The following CACNA2D3 variants were observed in gnomAD, a reference collection of about 807,000 sequenced individuals.
CACNA2D3 encodes the protein calcium voltage-gated channel auxiliary subunit alpha2delta 3, also known as voltage-dependent calcium channel subunit alpha-2/delta-3.
In CACNA2D3, 60 loss-of-function variants were observed where a neutral mutation model predicts 160.6. The observed-to-expected ratio is 0.37, with a 90% CI of 0.30 to 0.46. CACNA2D3 has a LOEUF of 0.46. Ranked by LOEUF, CACNA2D3 falls within the 20% of genes least tolerant of loss-of-function variation. The pLI, the probability that CACNA2D3 is intolerant of heterozygous loss-of-function variation, is 1.00. For missense variants in CACNA2D3, 1,205 were observed against 1,365.0 expected, an observed-to-expected ratio of 0.88 and a Z score of 1.85; for synonymous variants, 558 against 492.9, an observed-to-expected ratio of 1.13 and a Z score of -1.75.
intron 3 of CACNA2D3, among the ~76,000 whole-genome samples, chr3:54,360,005 A>T (rs1373947762): frequency 1.3e-5 from 2 of 152,204 alleles, no homozygotes; most frequent in African/African-American, 4.8e-5. Context: ...GGCAATGACA[A>T]CAAATCATGA....
intron 2 of CACNA2D3, among the ~76,000 whole-genome samples, chr3:54,245,628 G>A (rs1702057612): frequency 6.6e-6 from 1 of 152,202 alleles, no homozygotes; most frequent in Non-Finnish European, 1.5e-5. Context: ...ACATAGTGCA[G>A]TTGTTGCCTG....
At chr3:54,295,890 C>T (rs1048355815) in intron 2 of CACNA2D3, among the ~76,000 whole-genome samples, 1 of 152,156 alleles carries the variant, frequency 6.6e-6, no homozygotes, top group African/African-American at 2.4e-5. Flanking sequence ...TTAACTTTTC[C>T]CTTTGGCTTA....
At chr3:54,226,146 T>C (rs150005832) in intron 2 of CACNA2D3, among the ~76,000 whole-genome samples, 15 of 152,208 alleles carry the variant, frequency 9.9e-5, no homozygotes, top group African/African-American at 2.6e-4. Flanking sequence ...AGACTGATGA[T>C]AGGTCTGTTT....
intron 2 of CACNA2D3, among the ~76,000 whole-genome samples, chr3:54,183,892 G>GAAAAAAAAAAAAAAAAA (rs58956795): frequency 2.5e-5 from 2 of 80,754 alleles, no homozygotes; most frequent in African/African-American, 5.1e-5. Context: ...TCTCAAAAAA[G>GAAAAAAAAAAAAAAAAA]AAAAAAAAAA....
At chr3:54,291,600 C>G (rs1338456643) in intron 2 of CACNA2D3, among the ~76,000 whole-genome samples, 13 of 151,994 alleles carry the variant, frequency 8.6e-5, no homozygotes, top group Admixed American at 8.5e-4. Context: ...GTGCCTCTCC[C>G]CAGCGAAACA....
intron 2 of CACNA2D3, among the ~76,000 whole-genome samples, chr3:54,261,804 A>G (rs139156845): frequency 3.9e-4 from 59 of 152,354 alleles, no homozygotes; most frequent in African/African-American, 1.3e-3. Context: ...ATTGTGACCC[A>G]AAATACACAG....
intron 2 of CACNA2D3, among the ~76,000 whole-genome samples, chr3:54,238,161 CAT>C (rs1701917008): frequency 6.6e-6 from 1 of 152,204 alleles, no homozygotes; most frequent in Non-Finnish European, 1.5e-5. Flanking sequence ...GCATAATTTA[CAT>C]GTTATTAAAT....
At chr3:54,458,829 A>T (rs1340145414) in intron 4 of CACNA2D3, among the ~76,000 whole-genome samples, 2 of 151,924 alleles carry the variant, frequency 1.3e-5, no homozygotes, top group Non-Finnish European at 2.9e-5. Context: ...TGTGCAGGTT[A>T]GTTACATATG....
chr3:54,766,283 A>G (rs1209138389), intron 13 of CACNA2D3, among the ~76,000 whole-genome samples: 1 of 152,240 alleles, frequency 6.6e-6, no homozygotes, highest in East Asian at 1.9e-4. Flanking sequence ...AAAATTGAGG[A>G]GAAACTCCCA....
intron 2 of CACNA2D3, among the ~76,000 whole-genome samples, chr3:54,317,502 G>T (rs1047285300): frequency 6.6e-6 from 1 of 152,154 alleles, no homozygotes; most frequent in Non-Finnish European, 1.5e-5. Context: ...AGGGCAAGGA[G>T]AGCCAAGCCT....
chr3:54,412,711 C>CT (rs1180928845), intron 4 of CACNA2D3, among the ~76,000 whole-genome samples: 1 of 148,398 alleles, frequency 6.7e-6, no homozygotes, highest in Non-Finnish European at 1.5e-5. Flanking sequence ...TTCTTATATA[C>CT]TTTCTCTCTG....
chr3:54,988,954 TTTC>T (rs929582037), intron 31 of CACNA2D3, among the ~76,000 whole-genome samples: 2 of 152,240 alleles, frequency 1.3e-5, no homozygotes, highest in African/African-American at 4.8e-5. Context: ...CAAGTACAGT[TTTC>T]TTCTTTGCTG....
chr3:54,468,274 G>C (rs1161130000), intron 4 of CACNA2D3, among the ~76,000 whole-genome samples: 1 of 152,068 alleles, frequency 6.6e-6, no homozygotes, highest in Non-Finnish European at 1.5e-5. Flanking sequence ...GGTGCAGCCC[G>C]TGGAGGGTGA....
intron 4 of CACNA2D3, among the ~76,000 whole-genome samples, chr3:54,410,568 C>T (rs376937679): frequency 1.2e-4 from 18 of 152,240 alleles, no homozygotes; most frequent in African/African-American, 3.1e-4. Flanking sequence ...CCTGGATGAC[C>T]GCACATCTGT....
intron 2 of CACNA2D3, among the ~76,000 whole-genome samples, chr3:54,146,729 G>T (rs943678348): frequency 6.6e-6 from 1 of 152,222 alleles, no homozygotes; most frequent in Non-Finnish European, 1.5e-5. Flanking sequence ...TTAGGGGGAG[G>T]CCCTGAGGGA....
At chr3:54,247,441 G>A (rs1159929567) in intron 2 of CACNA2D3, among the ~76,000 whole-genome samples, 1 of 152,160 alleles carries the variant, frequency 6.6e-6, no homozygotes, top group African/African-American at 2.4e-5. Context: ...TGGAAATGAG[G>A]TGGCAGAAGT....
intron 17 of CACNA2D3, among the ~76,000 whole-genome samples, chr3:54,851,625 T>G (rs952275815): frequency 2.6e-5 from 4 of 152,218 alleles, no homozygotes; most frequent in Non-Finnish European, 5.9e-5. Flanking sequence ...TGTCAGAATC[T>G]GTCTAGACTT....
chr3:54,403,472 A>G (rs1699511669), intron 4 of CACNA2D3, among the ~76,000 whole-genome samples: 1 of 152,098 alleles, frequency 6.6e-6, no homozygotes, highest in Admixed American at 6.6e-5. Flanking sequence ...GGATACAACA[A>G]AAGTGGTTCT....
chr3:54,342,222 G>A (rs933009885), intron 3 of CACNA2D3, among the ~76,000 whole-genome samples: 12 of 152,030 alleles, frequency 7.9e-5, no homozygotes, highest in African/African-American at 2.9e-4. Context: ...GAATACCATA[G>A]GCCACTTATC....
Sources: gnomAD v4.1 joint callset for allele counts (sites outside exome capture counted in the v4.1 genomes callset) on GRCh38, gnomAD v4.1.1 for gene constraint, MANE v1.5 for transcripts, NCBI Gene and HGNC (gene_info 2026-07-23, HGNC 2026-07-21) for gene names.